The following FAM81A variants were observed in gnomAD, a reference collection of about 807,000 sequenced individuals.
FAM81A encodes protein FAM81A.
In FAM81A, 19 loss-of-function variants were observed where a neutral mutation model predicts 46.7. The observed-to-expected ratio is 0.41, with a 90% CI of 0.28 to 0.60. FAM81A has a LOEUF of 0.60. FAM81A is among the 20% of genes least tolerant of loss of function. FAM81A has a pLI of 0.34. For missense variants in FAM81A, 377 were observed against 453.5 expected, an observed-to-expected ratio of 0.83 and a Z score of 1.53; for synonymous variants, 183 against 152.9, an observed-to-expected ratio of 1.20 and a Z score of -1.45.
chr15:59,504,437 A>G (rs1195550216), intron 4 of FAM81A, among the ~76,000 whole-genome samples: 1 of 152,260 alleles, frequency 6.6e-6, no homozygotes, highest in African/African-American at 2.4e-5. Flanking sequence ...AAAGAGGCAT[A>G]TATAATGTCT....
At chr15:59,449,916 T>C in intron 1 of FAM81A, among the ~76,000 whole-genome samples, 1 of 151,666 alleles carries the variant, frequency 6.6e-6, no homozygotes, top group Non-Finnish European at 1.5e-5. Context: ...CATTTCTTTT[T>C]CTCTTTCTTT....
intron 5 of FAM81A, among the ~76,000 whole-genome samples, 172 bp from the exon 6 acceptor site, chr15:59,508,691 G>A (rs1473036717): frequency 6.6e-6 from 1 of 152,102 alleles, no homozygotes; most frequent in African/African-American, 2.4e-5. Flanking sequence ...GATTTTCGAT[G>A]GGTATATAAG....
intron 2 of FAM81A, among the ~76,000 whole-genome samples, chr15:59,430,603 G>A (rs2081215798): frequency 6.6e-6 from 1 of 152,146 alleles, no homozygotes; most frequent in South Asian, 2.1e-4. Context: ...GTTCAGTCAT[G>A]TCAGTGGGGC....
rs2081066607 is a variant in FAM81A, at chr15:59,400,717, T to C, written c.-160-1559T>C. On this transcript the variant is annotated intron_variant, in intron 1 of 4. Coordinates refer to the FAM81A transcript ENST00000558348. ...TTAGGTCTGTTCCAAGCTGCAATGC[T>C]CTTTTCTTCTCCCAGTGAATCCCAG... is the stretch of plus-strand genomic sequence containing the variant. 2.6e-5 allele frequency among the ~76,000 whole-genome samples: 4 copies of C among 152,214 alleles called. No homozygotes were observed. The South Asian group carries it at 8.3e-4, about 31-fold the overall frequency.
At chr15:59,489,234 T>C (rs1280891831) in intron 3 of FAM81A, among the ~76,000 whole-genome samples, 2 of 151,974 alleles carry the variant, frequency 1.3e-5, no homozygotes, top group South Asian at 2.1e-4. Context: ...CACTGCACTC[T>C]AGCCGGGACA....
intron 4 of FAM81A, among the ~76,000 whole-genome samples, chr15:59,494,032 C>G (rs1253898562): frequency 6.6e-6 from 1 of 152,204 alleles, no homozygotes; most frequent in Non-Finnish European, 1.5e-5. Context: ...CTTCCTCACT[C>G]TGCTACCTTT....
chr15:59,483,508 G>C (rs1488861758), intron 3 of FAM81A, among the ~76,000 whole-genome samples: 1 of 152,092 alleles, frequency 6.6e-6, no homozygotes, highest in East Asian at 1.9e-4. Context: ...AAAGAAAATA[G>C]AGTTAAGAAG....
chr15:59,492,202 G>T, intron 3 of FAM81A, 69 bp from the exon 4 acceptor site: 1 of 1,199,186 alleles, frequency 8.3e-7, no homozygotes. Flanking sequence ...TTTGCCAAAA[G>T]TATAAAATGC....
intron 3 of FAM81A, among the ~76,000 whole-genome samples, chr15:59,473,513 AC>A (rs1293711731): frequency 1.3e-5 from 2 of 152,202 alleles, no homozygotes; most frequent in Admixed American, 1.3e-4. Context: ...AGGGTATGTT[AC>A]AAAAAATACA....
chr15:59,439,412 G>A (rs962338629), intron 1 of FAM81A, among the ~76,000 whole-genome samples: 2 of 151,996 alleles, frequency 1.3e-5, no homozygotes, highest in Admixed American at 1.3e-4. Context: ...GTGTGTTGGG[G>A]GGGGCGGGTT....
At chr15:59,439,423 C>T (rs975110109) in intron 1 of FAM81A, among the ~76,000 whole-genome samples, 5 of 151,368 alleles carry the variant, frequency 3.3e-5, no homozygotes, top group Non-Finnish European at 5.9e-5. Context: ...GGGGCGGGTT[C>T]CTTGGCACTT....
chr15:59,476,894 G>T lies in FAM81A; in HGVS notation c.295-15377G>T, dbSNP rs141418714. On this transcript the variant is annotated intron_variant, in intron 3 of 8. Coordinates refer to ENST00000288228, the MANE Select transcript of FAM81A (RefSeq NM_152450.3). ...CCCAGCACTTTGGGAGACCAAGGTG[G>T]GCAGATCATGAGATCAGGAGTTCAA... 4.5e-3 allele frequency among the ~76,000 whole-genome samples: 682 copies of T among 150,286 alleles called. 4 individuals are homozygous for T. Among genetic ancestry groups the T allele is most frequent in the Non-Finnish European group, 7.5e-3 (510 of 67,610 alleles).
At chr15:59,499,648 T>G (rs1207609785) in intron 4 of FAM81A, among the ~76,000 whole-genome samples, 1 of 152,126 alleles carries the variant, frequency 6.6e-6, no homozygotes, top group African/African-American at 2.4e-5. Flanking sequence ...TTTGCCTTAT[T>G]TTTTTGAAAA....
At chr15:59,477,792 A>G (rs1248389688) in intron 3 of FAM81A, among the ~76,000 whole-genome samples, 2 of 152,248 alleles carry the variant, frequency 1.3e-5, no homozygotes, top group African/African-American at 4.8e-5. Context: ...TGACTCTTGT[A>G]TACTAATACA....
At chr15:59,490,907 G>A (rs1490576748) in intron 3 of FAM81A, among the ~76,000 whole-genome samples, 2 of 152,162 alleles carry the variant, frequency 1.3e-5, no homozygotes, top group Non-Finnish European at 2.9e-5. Flanking sequence ...CAAAAGACAG[G>A]CAATATCAAA....
At chr15:59,410,879 T>C (rs1425282786) in intron 2 of FAM81A, among the ~76,000 whole-genome samples, 2 of 152,166 alleles carry the variant, frequency 1.3e-5, no homozygotes, top group Non-Finnish European at 2.9e-5. Flanking sequence ...GCCTCCTGAA[T>C]AGCTGGGATT....
chr15:59,518,006 C>T (rs1288224967), intron 8 of FAM81A, among the ~76,000 whole-genome samples: 1 of 150,760 alleles, frequency 6.6e-6, no homozygotes, highest in African/African-American at 2.4e-5. Flanking sequence ...CAGAATCTTG[C>T]TCTGTTGCCA....
At chr15:59,458,429 TAA>T in intron 1 of FAM81A, 119 bp from the exon 2 acceptor site, 5 of 640,414 alleles carry the variant, frequency 7.8e-6, no homozygotes, top group Non-Finnish European at 1.3e-5. Context: ...AAACATTTAA[TAA>T]TATAACTTAT....
intron 7 of FAM81A, among the ~76,000 whole-genome samples, chr15:59,515,035 A>C (rs1458116445): frequency 6.6e-6 from 1 of 152,116 alleles, no homozygotes; most frequent in Non-Finnish European, 1.5e-5. Context: ...GCTTGAGCCC[A>C]GGAGTTCGAG....
Sources: allele counts gnomAD v4.1 joint callset (sites outside exome capture counted in the v4.1 genomes callset), GRCh38; gene constraint gnomAD v4.1.1; transcripts MANE v1.5; gene names NCBI Gene and HGNC (gene_info 2026-07-23, HGNC 2026-07-21).